NRXN3: variants seen among roughly 807,000 people sequenced by gnomAD.
The protein encoded by NRXN3 is neurexin 3, also known as neurexin III.
In NRXN3, 32 loss-of-function variants were observed where a neutral mutation model predicts 137.6. The observed-to-expected ratio is 0.23, with a 90% CI of 0.18 to 0.31. The LOEUF (loss-of-function observed/expected upper bound fraction) is 0.31, where lower values mean the gene tolerates loss of function less well. Ranked by LOEUF, NRXN3 falls within the 10% of genes least tolerant of loss-of-function variation. NRXN3 has a pLI of 1.00. For synonymous variants in NRXN3, 798 were observed against 784.5 expected (o/e 1.02, Z -0.29); for missense variants, 1,574 against 2,062.5 (o/e 0.76, Z 4.59).
intron 15 of NRXN3, among the ~76,000 whole-genome samples, chr14:79,394,576 G>T (rs1280835922): frequency 6.6e-6 from 1 of 152,142 alleles, no homozygotes; most frequent in Non-Finnish European, 1.5e-5. Context: ...AACCTGGGAT[G>T]CATGTTAAAC....
At chr14:78,252,813 T>G (rs2068853249) in intron 2 of NRXN3, among the ~76,000 whole-genome samples, 1 of 152,218 alleles carries the variant, frequency 6.6e-6, no homozygotes, top group South Asian at 2.1e-4. Context: ...GCTTATTTAC[T>G]TAATAGGTTG....
At chr14:79,215,463 C>A (rs2068338391) in intron 15 of NRXN3, among the ~76,000 whole-genome samples, 1 of 151,958 alleles carries the variant, frequency 6.6e-6, no homozygotes, top group African/African-American at 2.4e-5. Context: ...GGGCAATTTG[C>A]AAAAGAAAGA....
At chr14:79,097,293 G>T (rs774778549) in intron 15 of NRXN3, among the ~76,000 whole-genome samples, 2 of 152,116 alleles carry the variant, frequency 1.3e-5, no homozygotes, top group Non-Finnish European at 2.9e-5. Flanking sequence ...TTTGAGAAAA[G>T]CTAGCCTACT....
At chr14:78,696,204 G>C (rs1015432533) in intron 6 of NRXN3, among the ~76,000 whole-genome samples, 8 of 152,044 alleles carry the variant, frequency 5.3e-5, no homozygotes, top group African/African-American at 1.9e-4. Flanking sequence ...GTTGTAGAGA[G>C]AGGATAGTAA....
At chr14:79,662,472 TA>T (rs2098538849) in intron 16 of NRXN3, among the ~76,000 whole-genome samples, 1 of 152,114 alleles carries the variant, frequency 6.6e-6, no homozygotes, top group Non-Finnish European at 1.5e-5. Flanking sequence ...TTAATAGCAT[TA>T]TTATGTATGC....
At chr14:79,829,142 T>G (rs551113732) in intron 20 of NRXN3, among the ~76,000 whole-genome samples, 14 of 152,328 alleles carry the variant, frequency 9.2e-5, no homozygotes, top group Non-Finnish European at 1.8e-4. Context: ...TTTACATTAT[T>G]AATATTCTGC....
intron 3 of NRXN3, chr14:78,283,174 T>G (rs1430124080): frequency 6.6e-6 from 1 of 152,250 alleles, no homozygotes; most frequent in Non-Finnish European, 1.5e-5. Flanking sequence ...GGAACGAGAA[T>G]GAACACTTAC....
intron 4 of NRXN3, among the ~76,000 whole-genome samples, chr14:78,319,294 C>G (rs116045393): frequency 0.013 from 2,011 of 152,260 alleles, 39 homozygotes; most frequent in African/African-American, 0.046. Flanking sequence ...GTCAGTCTGC[C>G]TCTGTCTCCG....
chr14:78,220,604 C>T (rs896356689), intron 1 of NRXN3, among the ~76,000 whole-genome samples: 5 of 151,836 alleles, frequency 3.3e-5, no homozygotes, highest in Admixed American at 6.6e-5. Context: ...ATCTTCAAGG[C>T]GAGGGAAGAG....
intron 20 of NRXN3, chr14:79,853,902 A>G: frequency 1.0e-6 from 1 of 992,164 alleles, no homozygotes; most frequent in South Asian, 4.5e-5. Flanking sequence ...AATCATAGCA[A>G]TCGGAATTAT....
At chr14:79,835,955 A>T (rs1019350928) in intron 20 of NRXN3, among the ~76,000 whole-genome samples, 2 of 152,160 alleles carry the variant, frequency 1.3e-5, no homozygotes, top group African/African-American at 4.8e-5. Context: ...AAATCCTGGC[A>T]TGCGTAGAAT....
At chr14:78,629,675 T>A (rs1243687735) in intron 4 of NRXN3, among the ~76,000 whole-genome samples, 2 of 152,174 alleles carry the variant, frequency 1.3e-5, no homozygotes, top group African/African-American at 2.4e-5. Context: ...TTCAAACAAT[T>A]GCAAAAGCAA....
intron 8 of NRXN3, among the ~76,000 whole-genome samples, chr14:78,750,521 G>A (rs2098636032): frequency 6.6e-6 from 1 of 152,098 alleles, no homozygotes; most frequent in Non-Finnish European, 1.5e-5. Context: ...TATTATTAAG[G>A]CTACAATAAG....
intron 16 of NRXN3, among the ~76,000 whole-genome samples, chr14:79,660,443 G>A (rs1168766566): frequency 2.0e-5 from 3 of 152,150 alleles, no homozygotes; most frequent in Non-Finnish European, 2.9e-5. Flanking sequence ...TTAGCAGTGA[G>A]CTAACAGGAT....
At chr14:79,831,868 G>A (rs1040881995) in intron 20 of NRXN3, among the ~76,000 whole-genome samples, 4 of 152,192 alleles carry the variant, frequency 2.6e-5, no homozygotes, top group East Asian at 1.9e-4. Flanking sequence ...ACTTTGCTCC[G>A]AGTTTTTCAT....
intron 2 of NRXN3, among the ~76,000 whole-genome samples, chr14:78,252,586 T>C (rs984695962): frequency 6.6e-6 from 1 of 152,238 alleles, no homozygotes; most frequent in African/African-American, 2.4e-5. Context: ...ATCTGCTAGC[T>C]TGGTTCTCTT....
intron 15 of NRXN3, among the ~76,000 whole-genome samples, chr14:79,021,823 T>C (rs1331305773): frequency 2.6e-5 from 4 of 152,242 alleles, no homozygotes; most frequent in African/African-American, 9.6e-5. Flanking sequence ...ATCTATGGCA[T>C]ACAATGAGTG....
At chr14:79,844,768 A>G (rs540185472) in intron 20 of NRXN3, among the ~76,000 whole-genome samples, 60 of 152,178 alleles carry the variant, frequency 3.9e-4, no homozygotes, top group Non-Finnish European at 6.8e-4. Context: ...GAAGTGGCAA[A>G]TAAGTATTGA....
At chr14:78,793,621 A>G (rs1048648938) in intron 8 of NRXN3, among the ~76,000 whole-genome samples, 69 of 152,198 alleles carry the variant, frequency 4.5e-4, no homozygotes, top group African/African-American at 1.6e-3. Context: ...GTGTGGCAAC[A>G]CACATGAAGT....
Sources: allele counts gnomAD v4.1 joint callset (sites outside exome capture counted in the v4.1 genomes callset), GRCh38; gene constraint gnomAD v4.1.1; transcripts MANE v1.5; gene names NCBI Gene and HGNC (gene_info 2026-07-23, HGNC 2026-07-21).